The following RBM39 variants were observed in gnomAD, a reference collection of about 807,000 sequenced individuals.
The protein encoded by RBM39 is RNA binding motif protein 39, also known as RNA-binding protein 39.
A neutral mutation model predicts 79.6 loss-of-function variants in RBM39; 12 were observed. The ratio of observed to expected loss-of-function variants is 0.15; its 90% CI spans 0.10 to 0.24. RBM39 has a LOEUF of 0.24. Among genes scored for constraint, RBM39 ranks in the 10% least tolerant of loss-of-function variants. RBM39 has a pLI of 1.00. For synonymous variants in RBM39, 185 were observed against 208.4 expected (o/e 0.89, Z 0.97); for missense variants, 243 against 653.4 (o/e 0.37, Z 6.85).
intron 8 of RBM39, among the ~76,000 whole-genome samples, chr20:35,723,524 T>C (rs945084010): frequency 1.3e-5 from 2 of 152,194 alleles, no homozygotes; most frequent in Admixed American, 6.5e-5. Context: ...CTGCAACCTC[T>C]GCCTCCTGGG....
In RBM39 at chr20:35,702,300, G is replaced by T. The variant is rs2035319666; in HGVS notation, c.*2181C>A. 1 of 152,232 alleles carries T rather than the reference G, an allele frequency of 6.6e-6. No individual in the cohort carries two copies. Among genetic ancestry groups the T allele is most frequent in the African/African-American group, 2.4e-5 (1 of 41,450 alleles). 9.4% of individuals were successfully genotyped at this position (152,232 alleles called of 1,614,324 possible). On this transcript the variant is annotated 3_prime_UTR_variant, in exon 17 of 17. Transcript: ENST00000253363. Reference sequence around the variant, plus strand: ...TAGTTACAGATTTTCGAACCAGTGGGATGCTGACTCAGGAACTGATTGGAC... The same window carrying T: ...TAGTTACAGATTTTCGAACCAGTGGTATGCTGACTCAGGAACTGATTGGAC...
chr20:35,709,116 G>T, intron 13 of RBM39, 108 bp downstream of exon 13: 2 of 938,620 alleles, frequency 2.1e-6, no homozygotes, highest in Non-Finnish European at 3.2e-6. Context: ...GTCAAAATTT[G>T]GTCCAAATTA....
chr20:35,729,236 A>G, intron 6 of RBM39, 76 bp downstream of exon 6: 1 of 1,294,256 alleles, frequency 7.7e-7, no homozygotes, highest in Non-Finnish European at 1.1e-6. Context: ...CCAAATTACT[A>G]AATATCATCA....
intron 8 of RBM39, among the ~76,000 whole-genome samples, chr20:35,722,293 G>A (rs2038043286): frequency 6.6e-6 from 1 of 151,778 alleles, no homozygotes; most frequent in South Asian, 2.1e-4. Context: ...TGTAGTCCCA[G>A]CTACTCAGGA....
In RBM39 at chr20:35,729,320, G is replaced by A. The variant is rs2039112491; in HGVS notation, c.408C>T (p.Ser136=). The A allele has an allele frequency of 6.3e-7, 1 of 1,598,826 alleles. No individual in the cohort carries two copies. Among genetic ancestry groups the A allele is most frequent in the South Asian group, 1.1e-5 (1 of 88,178 alleles). ...TTAAAGAAGTAAACTACCTCACAGGGCTCTTGTCTTTTCTGAATGGACTTT... is the reference window on the plus strand; with the variant it reads ...TTAAAGAAGTAAACTACCTCACAGGACTCTTGTCTTTTCTGAATGGACTTT... ...RSKSPFRKDK[S]PVREPIDNLT... is the part of the protein sequence containing the mutation. The change falls in exon 6 of 17, where the codon AGC becomes AGT. Residue 136 remains serine (S), a synonymous_variant. Transcript: ENST00000253363.
In RBM39 at chr20:35,739,158, T is replaced by C. The variant is rs897612458; in HGVS notation, c.52-141A>G. On this transcript the variant is annotated intron_variant, in intron 2 of 16. Coordinates refer to ENST00000253363, the MANE Select transcript of RBM39 (RefSeq NM_184234.3). ...ACTTATAGTTTAACATGGAAGGCTA[T>C]AAAAAAATTTAGATGGGTATGTGTT... The C allele has an allele frequency of 1.8e-5, 14 of 759,740 alleles. No individual in the cohort carries two copies. In the Admixed American group the frequency reaches 2.1e-4, roughly 11 times the overall value. 47.1% of individuals were successfully genotyped at this position (759,740 alleles called of 1,614,324 possible).
chr20:35,733,611 A>AAAAAAC (rs1555903548), intron 3 of RBM39, among the ~76,000 whole-genome samples: 9 of 151,582 alleles, frequency 5.9e-5, no homozygotes, highest in African/African-American at 2.2e-4. Flanking sequence ...TGTCTCCAAA[A>AAAAAAC]AAAAAGAAAA....
At chr20:35,741,627 A>T (rs1054929925) in intron 1 of RBM39, 1 of 152,134 alleles carries the variant, frequency 6.6e-6, no homozygotes, top group East Asian at 1.9e-4. Context: ...GGGCAAAGAG[A>T]AACTCCCTCC....
intron 3 of RBM39, among the ~76,000 whole-genome samples, chr20:35,733,998 A>T (rs2039650132): frequency 6.6e-6 from 1 of 152,216 alleles, no homozygotes; most frequent in Non-Finnish European, 1.5e-5. Context: ...TATTCCACGA[A>T]AATGTCTATT....
intron 4 of RBM39, chr20:35,731,573 T>G (rs908507208): frequency 5.2e-6 from 1 of 192,904 alleles, no homozygotes; most frequent in East Asian, 1.3e-4. Flanking sequence ...TAAGTAAATA[T>G]GTATTTAGCA....
intron 3 of RBM39, 51 bp downstream of exon 3, chr20:35,738,917 A>C: frequency 4.0e-6 from 6 of 1,515,916 alleles, no homozygotes; most frequent in Non-Finnish European, 4.6e-6. Flanking sequence ...TTAAGGTCTA[A>C]AACCACAAAA....
intron 10 of RBM39, among the ~76,000 whole-genome samples, chr20:35,715,761 GA>G (rs933298811): frequency 1.3e-5 from 2 of 152,144 alleles, no homozygotes; most frequent in African/African-American, 4.8e-5. Context: ...CCCCACTGTG[GA>G]AAGTGTGACT....
rs2035454189 is a variant in RBM39 at position 35,704,126 on chromosome 20, A to T, written c.*355T>A. On this transcript the variant is annotated 3_prime_UTR_variant, in exon 17 of 17. Coordinates refer to ENST00000253363, the MANE Select transcript of RBM39 (RefSeq NM_184234.3). The stretch of plus-strand genomic sequence containing the variant: ...CAACATTAGTGAAATGTGAAATGTA[A>T]CCACTGTGTAAAAAGTTAGGCTTCT... 5.9e-6 allele frequency: 1 copy of T among 168,722 alleles called. No homozygotes were observed. Among genetic ancestry groups the T allele is most frequent in the Non-Finnish European group, 1.3e-5 (1 of 76,796 alleles). 10.5% of individuals were successfully genotyped at this position (168,722 alleles called of 1,614,324 possible). A position where few individuals can be genotyped will look rare whatever the true frequency, so the allele number is the denominator to read the frequency against.
intron 6 of RBM39, among the ~76,000 whole-genome samples, chr20:35,728,910 G>A (rs1036998724): frequency 6.6e-6 from 1 of 151,438 alleles, no homozygotes; most frequent in Non-Finnish European, 1.5e-5. Context: ...AAATCCCATC[G>A]CTACTAAAAT....
chr20:35,705,465 T>C (rs2035604641), intron 14 of RBM39, 135 bp from the exon 15 acceptor site: 1 of 587,472 alleles, frequency 1.7e-6, no homozygotes, highest in African/African-American at 2.0e-5. Context: ...ACAGAACGTC[T>C]CTGCCCCAAA....
Position 35,724,660 on chromosome 20 carries a change from C to T in RBM39, c.597G>A (p.Val199=). The change falls in exon 8 of 17, where the codon GTG becomes GTA. Residue 199 remains valine (V), a synonymous_variant. Coordinates refer to ENST00000253363, the MANE Select transcript of RBM39 (RefSeq NM_184234.3). ...GCACTGAGCTAACATCGACGAACTC[C>T]ACATAAGCAATTCCTTTGGAACGTC... ...NSRRSKGIAY[V]EFVDVSSVPL... 6.2e-7 allele frequency: 1 copy of T among 1,614,118 alleles called. No homozygotes were observed. The highest frequency in any genetic ancestry group is 8.5e-7 in the Non-Finnish European group (1 of 1,179,974).
Position 35,704,738 on chromosome 20 carries a change from C to A in RBM39, c.1422G>T (p.Val474=). The change falls in exon 16 of 17, where the codon GTG becomes GTT. Residue 474 remains valine, a synonymous_variant. Coordinates refer to ENST00000253363, the MANE Select transcript of RBM39 (RefSeq NM_184234.3). ...YVDKNSAQGN[V]YVKCPSIAAA... ...CAGCAATTGATGGGCACTTCACATA[C>A]ACATTGCCCTACAGAAAAAATGAAA... The A allele has an allele frequency of 6.2e-7, 1 of 1,613,130 alleles. No homozygotes were observed. The highest frequency in any genetic ancestry group is 8.5e-7 in the Non-Finnish European group (1 of 1,179,626).
chr20:35,736,326 G>C (rs1231117807), intron 3 of RBM39, among the ~76,000 whole-genome samples: 1 of 151,766 alleles, frequency 6.6e-6, no homozygotes, highest in East Asian at 1.9e-4. Context: ...GATTGGTGAG[G>C]AACTATAAAT....
chr20:35,721,326 A>C (rs2037913872), intron 9 of RBM39, among the ~76,000 whole-genome samples: 2 of 152,208 alleles, frequency 1.3e-5, no homozygotes, highest in Admixed American at 1.3e-4. Flanking sequence ...CGTATGATTT[A>C]ACAATTTTCC....
Sources: allele counts gnomAD v4.1 joint callset (sites outside exome capture counted in the v4.1 genomes callset), GRCh38; gene constraint gnomAD v4.1.1; transcripts MANE v1.5; gene names NCBI Gene and HGNC (gene_info 2026-07-23, HGNC 2026-07-21).